Variants in ADGRL3 observed in about 807,000 individuals in gnomAD.
ADGRL3 encodes calcium-independent alpha-latrotoxin receptor 3.
In ADGRL3, 62 loss-of-function variants were observed where a neutral mutation model predicts 153.5. The ratio of observed to expected loss-of-function variants is 0.40; its 90% CI spans 0.33 to 0.50. The LOEUF (loss-of-function observed/expected upper bound fraction) is 0.50, where lower values mean the gene tolerates loss of function less well. ADGRL3 is among the 20% of genes least tolerant of loss of function. The pLI, the probability that ADGRL3 is intolerant of heterozygous loss-of-function variation, is 0.47. For synonymous variants in ADGRL3, 710 were observed against 672.5 expected (o/e 1.06, Z -0.86); for missense variants, 1,641 against 1,859.4 (o/e 0.88, Z 2.16).
At chr4:61,312,961 G>A (rs1314734334) in intron 1 of ADGRL3, among the ~76,000 whole-genome samples, 1 of 152,076 alleles carries the variant, frequency 6.6e-6, no homozygotes, top group Admixed American at 6.6e-5. Flanking sequence ...CCAAAACTTG[G>A]AGGCAACCAA....
chr4:61,407,869 G>A (rs2097023667), intron 2 of ADGRL3, among the ~76,000 whole-genome samples: 1 of 152,170 alleles, frequency 6.6e-6, no homozygotes, highest in Non-Finnish European at 1.5e-5. Flanking sequence ...GAATGGAGAA[G>A]TAAATACAGG....
intron 9 of ADGRL3, among the ~76,000 whole-genome samples, chr4:61,819,972 A>G (rs549034771): frequency 1.6e-3 from 240 of 152,096 alleles, no homozygotes; most frequent in African/African-American, 5.4e-3. Flanking sequence ...GTTTTAATCC[A>G]TGGGTCACCA....
chr4:61,217,146 TG>T (rs1037284108), intron 1 of ADGRL3, among the ~76,000 whole-genome samples: 18 of 152,190 alleles, frequency 1.2e-4, no homozygotes, highest in African/African-American at 4.3e-4. Flanking sequence ...TTATGGCACA[TG>T]CAAAATCATG....
Position 61,999,744 on chromosome 4 carries a change from CTT to C in ADGRL3, c.3395+1481_3395+1482del, listed in dbSNP as rs201441787. Among the ~76,000 whole-genome samples the C allele has an allele frequency of 2.6e-3, 388 of 152,134 alleles. 4 individuals carry two copies. In the East Asian group the frequency reaches 0.037, roughly 14 times the overall value. On this transcript the variant is annotated intron_variant, in intron 21 of 26. Transcript: ENST00000683033. Reference sequence around the variant, plus strand: ...ACAGAATAAAGTAATATATTAAAGACTTTAGTGACTAAGGTGTATTGACATTA... The same window carrying C: ...ACAGAATAAAGTAATATATTAAAGACTAGTGACTAAGGTGTATTGACATTA...
chr4:61,520,178 T>C (rs989164805), intron 4 of ADGRL3, among the ~76,000 whole-genome samples: 1 of 152,172 alleles, frequency 6.6e-6, no homozygotes. Context: ...TTCTCCTAAG[T>C]TTCTTTTTAG....
At chr4:61,812,996 A>G (rs1169649326) in intron 8 of ADGRL3, among the ~76,000 whole-genome samples, 7 of 152,360 alleles carry the variant, frequency 4.6e-5, no homozygotes, top group South Asian at 2.1e-4. Context: ...AAAGTGATCT[A>G]AATAAACATT....
intron 1 of ADGRL3, among the ~76,000 whole-genome samples, chr4:61,273,308 C>T (rs190804505): frequency 6.6e-5 from 10 of 152,178 alleles, no homozygotes; most frequent in South Asian, 2.1e-4. Flanking sequence ...AAAGGAATTA[C>T]GCAATATAGT....
intron 1 of ADGRL3, among the ~76,000 whole-genome samples, chr4:61,205,542 G>C (rs898621747): frequency 5.3e-5 from 8 of 152,114 alleles, no homozygotes; most frequent in African/African-American, 1.9e-4. Flanking sequence ...GAATACAGCT[G>C]TATTGTAATT....
At chr4:61,564,837 A>AG (rs1240379637) in intron 4 of ADGRL3, among the ~76,000 whole-genome samples, 1 of 152,176 alleles carries the variant, frequency 6.6e-6, no homozygotes, top group Non-Finnish European at 1.5e-5. Context: ...CTCTGGGAAT[A>AG]GGGAGGCCCA....
At chr4:61,699,932 C>G (rs1340328265) in intron 6 of ADGRL3, among the ~76,000 whole-genome samples, 1 of 148,190 alleles carries the variant, frequency 6.7e-6, no homozygotes, top group Non-Finnish European at 1.5e-5. Flanking sequence ...GATCTGTGAT[C>G]AAATAACAAG....
intron 1 of ADGRL3, among the ~76,000 whole-genome samples, chr4:61,227,257 G>A (rs953464545): frequency 6.6e-6 from 1 of 152,030 alleles, no homozygotes; most frequent in African/African-American, 2.4e-5. Context: ...CCAGGCTGGA[G>A]TGCAGAGATC....
At chr4:61,903,669 A>T (rs1018077403) in intron 11 of ADGRL3, among the ~76,000 whole-genome samples, 1 of 150,478 alleles carries the variant, frequency 6.6e-6, no homozygotes, top group African/African-American at 2.4e-5. Context: ...AAAAAAAAAA[A>T]AAAAAAAAAA....
chr4:61,476,335 C>G (rs570055184), intron 2 of ADGRL3, among the ~76,000 whole-genome samples: 1 of 151,966 alleles, frequency 6.6e-6, no homozygotes, highest in South Asian at 2.1e-4. Context: ...TCAAGCAATT[C>G]TCATGCCTCA....
chr4:62,003,689 G>T (rs761394246), intron 21 of ADGRL3, among the ~76,000 whole-genome samples: 2 of 152,112 alleles, frequency 1.3e-5, no homozygotes, highest in African/African-American at 2.4e-5. Flanking sequence ...TAATGGTGAA[G>T]CTTTGCTCAG....
intron 1 of ADGRL3, among the ~76,000 whole-genome samples, chr4:61,253,066 C>T (rs1263606960): frequency 6.6e-6 from 1 of 152,142 alleles, no homozygotes; most frequent in East Asian, 1.9e-4. Flanking sequence ...GTAAATCATT[C>T]AGGAATCTGG....
chr4:62,041,475 A>C (rs1433430435), intron 24 of ADGRL3, among the ~76,000 whole-genome samples: 1 of 151,978 alleles, frequency 6.6e-6, no homozygotes, highest in Non-Finnish European at 1.5e-5. Context: ...ATGTATATGA[A>C]ATATTGAAAC....
At chr4:61,446,143 T>C (rs1287475970) in intron 2 of ADGRL3, among the ~76,000 whole-genome samples, 4 of 152,194 alleles carry the variant, frequency 2.6e-5, no homozygotes, top group Admixed American at 6.5e-5. Flanking sequence ...ACTGTAAATA[T>C]GAGCTCTGCC....
chr4:61,844,894 A>C (rs1156774828), intron 9 of ADGRL3, among the ~76,000 whole-genome samples: 2 of 152,020 alleles, frequency 1.3e-5, no homozygotes, highest in Non-Finnish European at 2.9e-5. Context: ...TATACACTGC[A>C]CAATTATTCT....
At chr4:61,745,034 C>T (rs1164607219) in intron 8 of ADGRL3, among the ~76,000 whole-genome samples, 2 of 152,170 alleles carry the variant, frequency 1.3e-5, no homozygotes, top group Admixed American at 1.3e-4. Flanking sequence ...GCTGATGGAG[C>T]TGAGAACCAA....
Sources: gnomAD v4.1 joint callset for allele counts (sites outside exome capture counted in the v4.1 genomes callset) on GRCh38, gnomAD v4.1.1 for gene constraint, MANE v1.5 for transcripts, NCBI Gene and HGNC (gene_info 2026-07-23, HGNC 2026-07-21) for gene names.